The following MYO6 variants were observed in gnomAD, a reference collection of about 807,000 sequenced individuals.
MYO6 encodes the protein unconventional myosin-VI.
A neutral mutation model predicts 178.7 loss-of-function variants in MYO6; 74 were observed. The ratio of observed to expected loss-of-function variants is 0.41; its 90% CI spans 0.34 to 0.50. The LOEUF (loss-of-function observed/expected upper bound fraction) is 0.50, where lower values mean the gene tolerates loss of function less well. MYO6 is among the 20% of genes least tolerant of loss of function. The pLI is 0.09. For missense variants in MYO6, 1,330 were observed against 1,547.4 expected (o/e 0.86, Z 2.36); for synonymous variants, 477 against 504.6 (o/e 0.95, Z 0.73).
chr6:75,754,653 G>T (rs116477963), intron 1 of MYO6, among the ~76,000 whole-genome samples: 2,257 of 151,830 alleles, frequency 0.015, 57 homozygotes, highest in African/African-American at 0.052. Context: ...TTTACTGAGG[G>T]CCCACTGTGT....
At position 75,754,519 on chromosome 6, in the gene MYO6, C is replaced by CAAAAAAAAA. The variant is rs58162315; in HGVS notation, c.-48+5115_-48+5123dup. On this transcript the variant is annotated intron_variant, in intron 1 of 34. Coordinates refer to ENST00000369977, the MANE Select transcript of MYO6 (RefSeq NM_004999.4). ...TGGACGATTGAGTGAGACTCCGTCT[C>CAAAAAAAAA]AAAAAAAAAAAAAAAAAAAAAAAAA... Among the ~76,000 whole-genome samples the CAAAAAAAAA allele has an allele frequency of 9.3e-4, 41 of 44,162 alleles. 8 individuals carry two copies. Among genetic ancestry groups the CAAAAAAAAA allele is most frequent in the South Asian group, 3.1e-3 (2 of 644 alleles). 29.0% of individuals were successfully genotyped at this position (44,162 alleles called of 152,430 possible).
intron 7 of MYO6, among the ~76,000 whole-genome samples, chr6:75,840,189 C>G (rs1318373330): frequency 6.8e-6 from 1 of 146,494 alleles, no homozygotes; most frequent in Non-Finnish European, 1.5e-5. Context: ...GAGACAGAGC[C>G]TTGTTCTTGT....
intron 11 of MYO6, among the ~76,000 whole-genome samples, chr6:75,849,149 C>T (rs1166564069): frequency 6.6e-6 from 1 of 152,106 alleles, no homozygotes; most frequent in African/African-American, 2.4e-5. Context: ...CAAATTTGAC[C>T]CACTGCCTGT....
intron 1 of MYO6, among the ~76,000 whole-genome samples, chr6:75,750,029 T>C (rs1304972930): frequency 6.6e-6 from 1 of 152,136 alleles, no homozygotes; most frequent in African/African-American, 2.4e-5. Flanking sequence ...TAGGACACAA[T>C]TTGATGGGGT....
chr6:75,763,908 AATGCTAATGAGG>A (rs1778168022), intron 1 of MYO6, among the ~76,000 whole-genome samples: 1 of 152,212 alleles, frequency 6.6e-6, no homozygotes, highest in African/African-American at 2.4e-5. Flanking sequence ...TAGTTAATAT[AATGCTAATGAGG>A]TCTTGATCCC....
At chr6:75,903,782 G>A in intron 30 of MYO6, among the ~76,000 whole-genome samples, 1 of 151,396 alleles carries the variant, frequency 6.6e-6, no homozygotes, top group Non-Finnish European at 1.5e-5. Context: ...GATGTTAGCT[G>A]GTGATTTTGC....
intron 1 of MYO6, among the ~76,000 whole-genome samples, chr6:75,799,388 CTAAA>C (rs1769203074): frequency 1.0e-5 from 1 of 99,524 alleles, no homozygotes; most frequent in Non-Finnish European, 1.7e-5. Context: ...AAAACTCTGT[CTAAA>C]AAAAAAAAAA....
rs993238990 is a variant in MYO6 at position 75,919,231 on chromosome 6, G to A, written c.*4219G>A. The A allele has an allele frequency of 6.6e-6, 1 of 152,164 alleles. No homozygotes were observed. Among genetic ancestry groups the A allele is most frequent in the Non-Finnish European group, 1.5e-5 (1 of 68,046 alleles). The allele number at this position is 152,164 out of a possible 1,614,324, so 9.4% of individuals were successfully genotyped here. A position where few individuals can be genotyped will look rare whatever the true frequency, so the allele number is the denominator to read the frequency against. ...CCTAACACCCAGAGAAGCATACATT[G>A]TGCCCAGTAGGTAATTTTTCATCCC... On this transcript the variant is annotated 3_prime_UTR_variant, in exon 35 of 35. Coordinates refer to ENST00000369977, the MANE Select transcript of MYO6 (RefSeq NM_004999.4).
In MYO6 at chr6:75,794,443, C is replaced by T. The variant is rs74424597; in HGVS notation, c.-47-23058C>T. On this transcript the variant is annotated intron_variant, in intron 1 of 34. Coordinates refer to ENST00000369977, the MANE Select transcript of MYO6 (RefSeq NM_004999.4). ...AATAGGGGTGAAATAAAAAGGGGTA[C>T]GAATAATCAGGAACCTAAAAGGCAT... is the stretch of plus-strand genomic sequence containing the variant. Among the ~76,000 whole-genome samples, 825 of 152,122 alleles carry T rather than the reference C, an allele frequency of 5.4e-3. 6 individuals are homozygous for T. The highest frequency in any genetic ancestry group is 0.018 in the African/African-American group (745 of 41,506).
chr6:75,790,238 A>G (rs537148591), intron 1 of MYO6, among the ~76,000 whole-genome samples: 1 of 152,344 alleles, frequency 6.6e-6, no homozygotes, highest in Non-Finnish European at 1.5e-5. Context: ...ATATGCATAT[A>G]GTCATGTTGC....
In MYO6 at chr6:75,914,881, G is replaced by A; in HGVS notation, c.3727G>A (p.Glu1243Lys). ...TGGCCTGACTCGGAAGCGTGGTGCT[G>A]AGATCTTGCCAAGACAGTTTGAAGA... ...ETGLTRKRGA[E>K]ILPRQFEEIW... Residue 1243 changes from glutamate to lysine, a missense_variant, in exon 35 of 35, where the codon GAG becomes AAG. By Grantham distance (56) the Glu-to-Lys change is moderately conservative. This residue lies in a region of MYO6 where 601 missense variants were observed against 626.1 expected (regional missense o/e 0.96). Transcript: ENST00000369977. The A allele has an allele frequency of 6.2e-7, 1 of 1,614,160 alleles. No homozygotes were observed.
intron 1 of MYO6, among the ~76,000 whole-genome samples, chr6:75,752,956 A>G (rs1014884405): frequency 2.0e-5 from 3 of 152,218 alleles, no homozygotes; most frequent in Non-Finnish European, 2.9e-5. Context: ...TCCTTTAAAT[A>G]TTACATAATT....
intron 1 of MYO6, among the ~76,000 whole-genome samples, chr6:75,781,319 A>C (rs1766959014): frequency 6.6e-6 from 1 of 152,152 alleles, no homozygotes; most frequent in African/African-American, 2.4e-5. Context: ...TAATTTTTGA[A>C]GCAGAGAGTA....
At chr6:75,835,772 A>G (rs1773583096) in intron 6 of MYO6, 129 bp from the exon 7 acceptor site, 1 of 677,034 alleles carries the variant, frequency 1.5e-6, no homozygotes, top group Non-Finnish European at 2.7e-6. Context: ...CTATGACAGA[A>G]TAGTTGCATT....
At chr6:75,764,141 G>A (rs1325131507) in intron 1 of MYO6, among the ~76,000 whole-genome samples, 1 of 152,012 alleles carries the variant, frequency 6.6e-6, no homozygotes, top group Non-Finnish European at 1.5e-5. Flanking sequence ...AAACTCCTGG[G>A]CTCAAGTGAT....
At chr6:75,820,883 TC>T (rs750543955) in intron 2 of MYO6, among the ~76,000 whole-genome samples, 4 of 152,166 alleles carry the variant, frequency 2.6e-5, no homozygotes, top group African/African-American at 7.2e-5. Context: ...ACTTTGTCTC[TC>T]CCTCCCTACT....
At chr6:75,810,676 C>T (rs1770610148) in intron 1 of MYO6, among the ~76,000 whole-genome samples, 1 of 152,126 alleles carries the variant, frequency 6.6e-6, no homozygotes, top group African/African-American at 2.4e-5. Context: ...GGGATGGGAA[C>T]TGGATCAAGT....
Position 75,765,321 on chromosome 6 carries a change from T to C in MYO6, c.-48+15898T>C, listed in dbSNP as rs566897656. Among the ~76,000 whole-genome samples, 35 of 151,084 alleles carry C rather than the reference T, an allele frequency of 2.3e-4. 1 individual carries two copies. The South Asian group carries it at 5.3e-3, about 23-fold the overall frequency. On this transcript the variant is annotated intron_variant, in intron 1 of 34. Coordinates refer to ENST00000369977, the MANE Select transcript of MYO6 (RefSeq NM_004999.4). ...CCTCCCAAGTAGCTGGGACTACAGG[T>C]GCACACTACCACGCCTGGCTAATTT...
intron 27 of MYO6, 54 bp downstream of exon 27, chr6:75,891,360 T>A (rs1778888255): frequency 6.0e-6 from 8 of 1,342,014 alleles, no homozygotes; most frequent in Non-Finnish European, 7.3e-6. Context: ...AGGCTGGGTG[T>A]GGTGGCTCAT....
Sources: gnomAD v4.1 joint callset for allele counts (sites outside exome capture counted in the v4.1 genomes callset) on GRCh38, gnomAD v4.1.1 for gene constraint, gnomAD v4.1.1 regional missense constraint, MANE v1.5 for transcripts, NCBI Gene and HGNC (gene_info 2026-07-23, HGNC 2026-07-21) for gene names.